PCGF5: variants seen among roughly 807,000 people sequenced by gnomAD.
The protein encoded by PCGF5 is polycomb group RING finger protein 5.
In PCGF5, 9 loss-of-function variants were observed where a neutral mutation model predicts 44.3. The observed-to-expected ratio is 0.20, with a 90% confidence interval of 0.12 to 0.35. PCGF5 has a LOEUF of 0.35. PCGF5 is among the 10% of genes least tolerant of loss of function. The pLI is 1.00. For synonymous variants in PCGF5, 95 were observed against 102.5 expected, an observed-to-expected ratio of 0.93 and a Z score of 0.44; for missense variants, 146 against 305.3, an observed-to-expected ratio of 0.48 and a Z score of 3.89.
rs368236296 is a variant in PCGF5 at position 91,248,762 on chromosome 10, T to C, written c.325+38T>C. ...TATGTCTGTTTCTGACAGCACCTCT[T>C]AAACTGGTCAGCTTTTCATAGTTTA... is the stretch of plus-strand genomic sequence containing the variant. On this transcript the variant is annotated intron_variant, in intron 5 of 9. Coordinates refer to ENST00000336126, the MANE Select transcript of PCGF5 (RefSeq NM_032373.5). 5.9e-6 allele frequency: 9 copies of C among 1,520,346 alleles called. No individual in the cohort carries two copies. In the African/African-American group the frequency reaches 1.1e-4, roughly 19 times the overall value. The allele number at this position is 1,520,346 out of a possible 1,614,324, so 94.2% of individuals were successfully genotyped here.
upstream of PCGF5, chr10:91,162,945 C>T: frequency 6.9e-6 from 1 of 145,348 alleles, no homozygotes; most frequent in South Asian, 1.9e-4. Context: ...CCAGCCCCCG[C>T]CCCGCGCCGC....
intron 1 of PCGF5, among the ~76,000 whole-genome samples, chr10:91,200,114 T>C (rs1450993885): frequency 6.6e-6 from 1 of 152,198 alleles, no homozygotes; most frequent in Non-Finnish European, 1.5e-5. Flanking sequence ...CTGGAGATGC[T>C]AACTTCCCTG....
upstream of PCGF5, among the ~76,000 whole-genome samples, chr10:91,161,432 T>C (rs372557091): frequency 1.6e-4 from 25 of 152,310 alleles, 1 homozygote; most frequent in East Asian, 3.9e-3. Context: ...CAGGGTCTAC[T>C]TCAGTGTGTG....
At chr10:91,254,079 A>C (rs753364016) in intron 6 of PCGF5, among the ~76,000 whole-genome samples, 8 of 151,952 alleles carry the variant, frequency 5.3e-5, no homozygotes, top group Non-Finnish European at 1.0e-4. Context: ...GCCCTTCCCT[A>C]ACAAGCACCT....
chr10:91,229,028 G>A (rs541535755), intron 2 of PCGF5, among the ~76,000 whole-genome samples: 1 of 152,248 alleles, frequency 6.6e-6, no homozygotes, highest in South Asian at 2.1e-4. Flanking sequence ...TCATAGAATT[G>A]TTAAAATAAA....
chr10:91,239,400 C>CAG (rs1845264055), intron 2 of PCGF5, among the ~76,000 whole-genome samples: 1 of 152,118 alleles, frequency 6.6e-6, no homozygotes, highest in South Asian at 2.1e-4. Flanking sequence ...TTGCTTTGGT[C>CAG]AGTATATGTG....
rs141936773 is a variant in PCGF5 at position 91,247,502 on chromosome 10, G to GT, written c.210-995dup. 5.3e-3 allele frequency among the ~76,000 whole-genome samples: 806 copies of GT among 151,286 alleles called. 5 individuals are homozygous for GT. Among genetic ancestry groups the GT allele is most frequent in the Middle Eastern group, 0.021 (6 of 292 alleles). The stretch of plus-strand genomic sequence containing the variant: ...TTAATGAGTTGAGAAAGGTTTTGGG[G>GT]TTTTTTTTAAGATGTGAGAAACCTC... On this transcript the variant is annotated intron_variant, in intron 3 of 9. Transcript: ENST00000336126.
At chr10:91,185,210 G>A (rs1024090535) in intron 1 of PCGF5, among the ~76,000 whole-genome samples, 5 of 152,246 alleles carry the variant, frequency 3.3e-5, no homozygotes, top group Non-Finnish European at 4.4e-5. Context: ...AACACCAGTG[G>A]GGTGGCTGGA....
At chr10:91,215,004 T>C (rs1226270691) in intron 1 of PCGF5, among the ~76,000 whole-genome samples, 4 of 152,210 alleles carry the variant, frequency 2.6e-5, no homozygotes, top group Non-Finnish European at 5.9e-5. Flanking sequence ...AAAGAATCAA[T>C]GGTTACGGAA....
intron 1 of PCGF5, among the ~76,000 whole-genome samples, chr10:91,180,158 G>A (rs933423873): frequency 6.6e-6 from 1 of 151,950 alleles, no homozygotes; most frequent in African/African-American, 2.4e-5. Flanking sequence ...TTTGAAATTT[G>A]TCTGTTCATG....
At chr10:91,227,283 A>T in intron 2 of PCGF5, 1 of 516,072 alleles carries the variant, frequency 1.9e-6, no homozygotes, top group Non-Finnish European at 3.5e-6. Flanking sequence ...GACTTCAGCT[A>T]CCTGTGCTGA....
intron 2 of PCGF5, among the ~76,000 whole-genome samples, chr10:91,234,069 AG>A (rs1845086328): frequency 6.6e-6 from 1 of 152,232 alleles, no homozygotes; most frequent in South Asian, 2.1e-4. Flanking sequence ...GTGATACATA[AG>A]AGACCTGGGT....
chr10:91,160,987 T>C (rs1307190032), upstream of PCGF5, among the ~76,000 whole-genome samples: 1 of 152,236 alleles, frequency 6.6e-6, no homozygotes, highest in Non-Finnish European at 1.5e-5. Flanking sequence ...CTCTGTCATC[T>C]TGTCCACTGG....
At chr10:91,187,848 A>G (rs1399851670) in intron 1 of PCGF5, among the ~76,000 whole-genome samples, 3 of 152,114 alleles carry the variant, frequency 2.0e-5, no homozygotes, top group Non-Finnish European at 2.9e-5. Context: ...AGTATTTTCT[A>G]TACAGTTACT....
chr10:91,247,006 GATAGATAGATA>G (rs1845483304), intron 3 of PCGF5, among the ~76,000 whole-genome samples: 2 of 145,530 alleles, frequency 1.4e-5, no homozygotes, highest in African/African-American at 5.1e-5. Flanking sequence ...TAGATAGATA[GATAGATAGATA>G]GATAATCTGC....
intron 1 of PCGF5, among the ~76,000 whole-genome samples, chr10:91,166,212 G>C (rs569575966): frequency 6.6e-6 from 1 of 152,318 alleles, no homozygotes; most frequent in African/African-American, 2.4e-5. Flanking sequence ...AGCCAGAGCT[G>C]CTATAGGTGG....
intron 2 of PCGF5, among the ~76,000 whole-genome samples, chr10:91,238,057 A>C (rs913545588): frequency 6.6e-6 from 1 of 152,222 alleles, no homozygotes; most frequent in South Asian, 2.1e-4. Flanking sequence ...TATCTCTAAA[A>C]TATTTTCATT....
At chr10:91,240,715 T>C (rs182251077) in intron 3 of PCGF5, 135 bp downstream of exon 3, 1 of 461,574 alleles carries the variant, frequency 2.2e-6, no homozygotes. Context: ...TTTAAAGCAT[T>C]TTATTTTAAA....
chr10:91,278,971 C>T lies in PCGF5; in HGVS notation c.*655C>T, dbSNP rs1166153361. 1 of 152,608 alleles carries T rather than the reference C, an allele frequency of 6.6e-6. No homozygotes were observed. Among genetic ancestry groups the T allele is most frequent in the Non-Finnish European group, 1.5e-5 (1 of 68,036 alleles). The allele number at this position is 152,608 out of a possible 1,614,324, so 9.5% of individuals were successfully genotyped here. A position where few individuals can be genotyped will look rare whatever the true frequency, so the allele number is the denominator to read the frequency against. The stretch of plus-strand genomic sequence containing the variant: ...CAATTGCACAAGGAAGGCATGTTAG[C>T]CCTCCAGATTGAAAATGTATGTGAC... On this transcript the variant is annotated 3_prime_UTR_variant, in exon 10 of 10. Transcript: ENST00000336126.
Sources: allele counts gnomAD v4.1 joint callset (sites outside exome capture counted in the v4.1 genomes callset), GRCh38; gene constraint gnomAD v4.1.1; transcripts MANE v1.5; gene names NCBI Gene and HGNC (gene_info 2026-07-23, HGNC 2026-07-21).